ABTB3: variants seen among roughly 807,000 people sequenced by gnomAD.
The protein encoded by ABTB3 is ankyrin repeat and BTB domain containing 3.
the ABTB3 span, among the ~76,000 whole-genome samples, chr12:107,373,673 A>G: frequency 6.6e-6 from 1 of 152,178 alleles, no homozygotes; most frequent in East Asian, 1.9e-4. Flanking sequence ...TAGATAAAGC[A>G]ACTAAAATTG....
chr12:107,613,048 C>T, the ABTB3 span, among the ~76,000 whole-genome samples: 1 of 152,190 alleles, frequency 6.6e-6, no homozygotes, highest in Admixed American at 6.5e-5. Context: ...AGATTTTGTC[C>T]ATCCTGAGGC....
chr12:107,500,886 T>G, the ABTB3 span, among the ~76,000 whole-genome samples: 2 of 152,316 alleles, frequency 1.3e-5, no homozygotes, highest in African/African-American at 4.8e-5. Context: ...TTCATTAATC[T>G]TAGAATAAAA....
the ABTB3 span, among the ~76,000 whole-genome samples, chr12:107,549,119 G>A: frequency 0.011 from 1,720 of 152,276 alleles, 36 homozygotes; most frequent in African/African-American, 0.04. Context: ...ATGTCTGCCA[G>A]GGGAATCTCA....
chr12:107,448,617 T>G, the ABTB3 span, among the ~76,000 whole-genome samples: 1 of 151,978 alleles, frequency 6.6e-6, no homozygotes, highest in African/African-American at 2.4e-5. Context: ...GGACAGAACC[T>G]GTATGTTCTT....
At chr12:107,472,649 T>C in the ABTB3 span, among the ~76,000 whole-genome samples, 6,496 of 152,232 alleles carry the variant, frequency 0.043, 434 homozygotes, top group African/African-American at 0.15. Context: ...ACAAACATAG[T>C]GAGTGATGTA....
the ABTB3 span, among the ~76,000 whole-genome samples, chr12:107,569,087 T>A: frequency 6.6e-6 from 1 of 152,168 alleles, no homozygotes; most frequent in Admixed American, 6.5e-5. Flanking sequence ...AATATCATCT[T>A]CTCAAAGCCA....
the ABTB3 span, among the ~76,000 whole-genome samples, chr12:107,420,907 A>G: frequency 0.028 from 4,190 of 152,148 alleles, 154 homozygotes; most frequent in African/African-American, 0.088. Flanking sequence ...CTGCCCCTAA[A>G]TGTAGGTATT....
chr12:107,321,788 G>A, the ABTB3 span, among the ~76,000 whole-genome samples: 5 of 152,126 alleles, frequency 3.3e-5, no homozygotes, highest in Admixed American at 3.3e-4. Flanking sequence ...GCACAGAGGG[G>A]CTTAATTTCC....
chr12:107,353,947 A>C, the ABTB3 span, among the ~76,000 whole-genome samples: 1 of 152,124 alleles, frequency 6.6e-6, no homozygotes, highest in Admixed American at 6.5e-5. Flanking sequence ...TGGTGCCAAA[A>C]AGATTGGAGA....
chr12:107,424,443 G>C, the ABTB3 span, among the ~76,000 whole-genome samples: 1 of 152,250 alleles, frequency 6.6e-6, no homozygotes. Context: ...AGGATCGAGA[G>C]TAGAGAGGAA....
At chr12:107,642,764 A>G in the ABTB3 span, among the ~76,000 whole-genome samples, 6 of 152,172 alleles carry the variant, frequency 3.9e-5, no homozygotes, top group Non-Finnish European at 8.8e-5. Flanking sequence ...ATCTACCCCA[A>G]TTAGGAAAGG....
At chr12:107,543,369 C>A in the ABTB3 span, among the ~76,000 whole-genome samples, 24,368 of 137,944 alleles carry the variant, frequency 0.18, 2,214 homozygotes, top group African/African-American at 0.24. Context: ...GGAAAAAAAA[C>A]ACGAAAAGTA....
At chr12:107,651,553 C>T in the ABTB3 span, 1 of 654,220 alleles carries the variant, frequency 1.5e-6, no homozygotes, top group East Asian at 2.8e-5. Flanking sequence ...TTTCCCGTCC[C>T]CTACCTGTGA....
the ABTB3 span, among the ~76,000 whole-genome samples, chr12:107,634,435 C>T: frequency 6.6e-6 from 1 of 152,044 alleles, no homozygotes; most frequent in Non-Finnish European, 1.5e-5. Flanking sequence ...GGTTTTATTG[C>T]CAAAAAGACA....
chr12:107,573,784 G>GT, the ABTB3 span, among the ~76,000 whole-genome samples: 1 of 152,100 alleles, frequency 6.6e-6, no homozygotes, highest in Admixed American at 6.5e-5. Flanking sequence ...GGAAAAATCA[G>GT]TTTTTTTCTC....
At chr12:107,483,899 C>T in the ABTB3 span, among the ~76,000 whole-genome samples, 1 of 152,124 alleles carries the variant, frequency 6.6e-6, no homozygotes, top group Non-Finnish European at 1.5e-5. Context: ...ACTGTGTTGT[C>T]CACACTCGTC....
At chr12:107,479,823 A>G in the ABTB3 span, among the ~76,000 whole-genome samples, 1,147 of 152,254 alleles carry the variant, frequency 7.5e-3, 29 homozygotes, top group East Asian at 0.049. Context: ...AGTTTAGTGC[A>G]TACAATAATT....
the ABTB3 span, among the ~76,000 whole-genome samples, chr12:107,597,368 C>A: frequency 2.0e-5 from 3 of 152,144 alleles, no homozygotes; most frequent in African/African-American, 7.2e-5. Context: ...GCTCACAGTT[C>A]TAGAGTCTGG....
At chr12:107,354,165 C>T in the ABTB3 span, among the ~76,000 whole-genome samples, 103 of 152,252 alleles carry the variant, frequency 6.8e-4, 1 homozygote, top group African/African-American at 2.4e-3. Flanking sequence ...GAGAGCTAAA[C>T]CCTCTTACAT....
Sources: gnomAD v4.1 joint callset for allele counts (sites outside exome capture counted in the v4.1 genomes callset) on GRCh38, gnomAD v4.1.1 for gene constraint, MANE v1.5 for transcripts, NCBI Gene and HGNC (gene_info 2026-07-23, HGNC 2026-07-21) for gene names.